DNAH10: variants seen among roughly 807,000 people sequenced by gnomAD.
DNAH10 encodes axonemal beta dynein heavy chain 10.
In DNAH10, 348 loss-of-function variants were observed where a neutral mutation model predicts 506.6. That is an observed-to-expected ratio of 0.69 (90% CI 0.63 to 0.75). The LOEUF is 0.75. Among genes scored for constraint, DNAH10 ranks in the 30% least tolerant of loss-of-function variants. The pLI is 0.00. For missense variants in DNAH10, 5,179 were observed against 5,787.1 expected, an observed-to-expected ratio of 0.89 and a Z score of 3.41; for synonymous variants, 2,059 against 2,198.6, an observed-to-expected ratio of 0.94 and a Z score of 1.78.
Position 123,846,077 on chromosome 12 carries a change from G to A in DNAH10, c.5737G>A (p.Gly1913Ser), listed in dbSNP as rs781365832. 5.6e-6 allele frequency: 9 copies of A among 1,614,006 alleles called. No individual in the cohort carries two copies. The highest frequency in any genetic ancestry group is 4.4e-5 in the South Asian group (4 of 91,086). Residue 1913 changes from glycine (G) to serine (S), a missense_variant, in exon 32 of 79, where the codon GGC becomes AGC. This residue lies in a region of DNAH10 where 4,844 missense variants were observed against 5,430.5 expected (regional missense o/e 0.89). Coordinates refer to ENST00000673944, the MANE Select transcript of DNAH10 (RefSeq NM_001372106.1). The surrounding 1 kb of genome is among the most constrained non-coding windows in gnomAD (Gnocchi z 4.5). ...IRQCTGTFGY[G>S]YEYMGLNGRL... ...CCAGTGCACGGGAACCTTTGGCTAC[G>A]GCTACGAGTACATGGGCCTGAACGG... is the stretch of plus-strand genomic sequence containing the variant.
intron 26 of DNAH10, among the ~76,000 whole-genome samples, chr12:123,831,046 A>G (rs1960490214): frequency 6.6e-6 from 1 of 152,216 alleles, no homozygotes; most frequent in Non-Finnish European, 1.5e-5. Flanking sequence ...TTCCTTAATT[A>G]AATTTTTTGT....
chr12:123,797,354 T>C (rs1418231867), intron 13 of DNAH10, among the ~76,000 whole-genome samples: 1 of 151,986 alleles, frequency 6.6e-6, no homozygotes, highest in Non-Finnish European at 1.5e-5. Flanking sequence ...TTCATGCTCA[T>C]AGTAAACTGC....
chr12:123,783,043 A>C, intron 6 of DNAH10, 64 bp from the exon 7 acceptor site: 1 of 1,550,018 alleles, frequency 6.5e-7, no homozygotes, highest in Non-Finnish European at 8.9e-7. Flanking sequence ...GGTGAACTTG[A>C]ATGTTTCTCT....
At chr12:123,910,463 G>A in intron 58 of DNAH10, 73 bp from the exon 59 acceptor site, 1 of 1,550,002 alleles carries the variant, frequency 6.5e-7, no homozygotes, top group Non-Finnish European at 8.8e-7. Context: ...AACTAGTTAT[G>A]CTTATTTTGT....
In DNAH10 at chr12:123,789,261, A is replaced by C. The variant is rs558043003; in HGVS notation, c.1621-666A>C. On this transcript the variant is annotated intron_variant, in intron 10 of 78. Transcript: ENST00000673944. ...CTCTGTCCCAAAACAAAAACAAAAA[A>C]TATTTAACTTCTATGTGGAATCACC... Among the ~76,000 whole-genome samples the C allele has an allele frequency of 4.6e-5, 7 of 152,042 alleles. No homozygotes were observed. The East Asian group carries it at 9.7e-4, about 21-fold the overall frequency.
intron 43 of DNAH10, among the ~76,000 whole-genome samples, chr12:123,869,002 T>C (rs1482861579): frequency 2.0e-5 from 3 of 152,224 alleles, no homozygotes; most frequent in Non-Finnish European, 4.4e-5. Context: ...CTTCCCTGGC[T>C]TGTCTCCCTC....
rs192068452 is a variant in DNAH10, at chr12:123,825,434, G to A, written c.4180-1253G>A. ...ATAAGCTGTGGCTCATCCACACCAC[G>A]GAATACTACTACTCAGCAAGGTAGA... On this transcript the variant is annotated intron_variant, in intron 24 of 78. Transcript: ENST00000673944. Among the ~76,000 whole-genome samples the A allele has an allele frequency of 1.1e-3, 172 of 152,252 alleles. 1 individual carries two copies. The highest frequency in any genetic ancestry group is 1.7e-3 in the Non-Finnish European group (118 of 68,026).
At chr12:123,933,786 A>G (rs1418643354) in intron 77 of DNAH10, among the ~76,000 whole-genome samples, 1 of 152,196 alleles carries the variant, frequency 6.6e-6, no homozygotes, top group Non-Finnish European at 1.5e-5. Flanking sequence ...GCTCATGGCA[A>G]GTGGGCTCCT....
At chr12:123,793,654 C>T (rs1172771115) in intron 11 of DNAH10, among the ~76,000 whole-genome samples, 1 of 152,112 alleles carries the variant, frequency 6.6e-6, no homozygotes, top group African/African-American at 2.4e-5. Context: ...TCATTACTTT[C>T]TTACTAAAAA....
chr12:123,867,155 G>C (rs548112362), intron 41 of DNAH10, among the ~76,000 whole-genome samples: 2 of 152,274 alleles, frequency 1.3e-5, no homozygotes, highest in East Asian at 3.9e-4. Context: ...GGATGACTGT[G>C]GTCACTTGAA....
intron 59 of DNAH10, among the ~76,000 whole-genome samples, chr12:123,912,699 T>G (rs1302166306): frequency 6.6e-6 from 1 of 152,164 alleles, no homozygotes; most frequent in African/African-American, 2.4e-5. Context: ...GAGAATAAGG[T>G]TAATTTGATC....
intron 37 of DNAH10, among the ~76,000 whole-genome samples, chr12:123,857,942 G>A (rs193189373): frequency 6.6e-6 from 1 of 152,160 alleles, no homozygotes; most frequent in Non-Finnish European, 1.5e-5. Context: ...GGTACCTCCT[G>A]TAAGTAGAAT....
intron 66 of DNAH10, 77 bp from the exon 67 acceptor site, chr12:123,924,201 T>G: frequency 6.7e-7 from 1 of 1,484,432 alleles, no homozygotes; most frequent in Non-Finnish European, 9.0e-7. Flanking sequence ...TTCCCAAAAG[T>G]GGGAGAAGTC....
rs752170573 is a variant in DNAH10, at chr12:123,787,944, T to C, written c.1562T>C (p.Leu521Pro). 1 of 1,600,850 alleles carries C rather than the reference T, an allele frequency of 6.2e-7. No homozygotes were observed. Among genetic ancestry groups the C allele is most frequent in the Non-Finnish European group, 8.5e-7 (1 of 1,173,902 alleles). The change falls in exon 10 of 79, where the codon CTG (leucine) becomes CCG (proline). Residue 521 changes from leucine (L) to proline (P), a missense_variant. Physicochemically the swap from Leu to Pro is moderately conservative, Grantham distance 98. Transcript: ENST00000673944. The surrounding 1 kb of genome is among the most constrained non-coding windows in gnomAD (Gnocchi z 4.6). ...CGGTGGGAGTTTGACCGGAAGCGGC[T>C]GTTCGAGAGGACGGATTATATGGCC... ...EDRWEFDRKR[L>P]FERTDYMATI...
intron 53 of DNAH10, among the ~76,000 whole-genome samples, chr12:123,894,189 C>G (rs1308928192): frequency 6.9e-6 from 1 of 145,710 alleles, no homozygotes; most frequent in Non-Finnish European, 1.5e-5. Context: ...CTCCTGGGCT[C>G]AAATGAGCCT....
chr12:123,772,341 G>T (rs954764817), intron 3 of DNAH10, among the ~76,000 whole-genome samples: 1 of 152,306 alleles, frequency 6.6e-6, no homozygotes, highest in East Asian at 1.9e-4. Context: ...TATTAGGAAG[G>T]GTATTCCAAA....
intron 59 of DNAH10, among the ~76,000 whole-genome samples, chr12:123,912,253 C>G (rs1273551765): frequency 9.3e-5 from 1 of 10,802 alleles, no homozygotes. Flanking sequence ...TGTCCTGGGG[C>G]GGTCTGTCCT....
intron 26 of DNAH10, 71 bp downstream of exon 26, chr12:123,830,770 T>C: frequency 7.6e-7 from 1 of 1,309,656 alleles, no homozygotes; most frequent in Non-Finnish European, 1.0e-6. Flanking sequence ...TAGGGAGAAC[T>C]CATCTATACT....
At chr12:123,858,773 G>A (rs1242463604) in intron 37 of DNAH10, among the ~76,000 whole-genome samples, 1 of 152,132 alleles carries the variant, frequency 6.6e-6, no homozygotes, top group East Asian at 1.9e-4. Flanking sequence ...TGCAGCACGC[G>A]TGCTACAACA....
Sources: allele counts gnomAD v4.1 joint callset (sites outside exome capture counted in the v4.1 genomes callset), GRCh38; gene constraint gnomAD v4.1.1; regional missense constraint gnomAD v4.1.1; non-coding constraint Gnocchi (gnomAD v3.1); transcripts MANE v1.5; gene names NCBI Gene and HGNC (gene_info 2026-07-23, HGNC 2026-07-21).